Variants in PDGFC observed in about 807,000 individuals in gnomAD.
PDGFC encodes the protein platelet-derived growth factor C.
PDGFC carries 12 observed loss-of-function variants against 35.5 expected under a neutral mutation model. The ratio of observed to expected loss-of-function variants is 0.34; its 90% CI spans 0.22 to 0.55. The LOEUF (loss-of-function observed/expected upper bound fraction) is 0.55, where lower values mean the gene tolerates loss of function less well. Ranked by LOEUF, PDGFC falls within the 20% of genes least tolerant of loss-of-function variation. PDGFC has a pLI of 0.91. For missense variants in PDGFC, 322 were observed against 412.4 expected, an observed-to-expected ratio of 0.78 and a Z score of 1.90; for synonymous variants, 159 against 148.8, an observed-to-expected ratio of 1.07 and a Z score of -0.50.
In PDGFC at chr4:156,971,465, C is replaced by A; in HGVS notation, c.-562G>T. Reference sequence around the variant, plus strand: ...AAGAAACAAGGCGAGGGCGCCGCGGCGGGTCCCACGGGCCGGGGCGCCGGA... The same window carrying A: ...AAGAAACAAGGCGAGGGCGCCGCGGAGGGTCCCACGGGCCGGGGCGCCGGA... On this transcript the variant is annotated 5_prime_UTR_variant, in exon 1 of 6. Coordinates refer to ENST00000502773, the MANE Select transcript of PDGFC (RefSeq NM_016205.3). 1 of 177,906 alleles carries A rather than the reference C, an allele frequency of 5.6e-6. No individual in the cohort carries two copies. The highest frequency in any genetic ancestry group is 1.2e-5 in the Non-Finnish European group (1 of 86,790). The allele number at this position is 177,906 out of a possible 1,614,324, so 11.0% of individuals were successfully genotyped here.
intron 3 of PDGFC, chr4:156,778,409 C>A (rs1730883903): frequency 1.2e-5 from 2 of 166,320 alleles, no homozygotes; most frequent in Admixed American, 6.3e-5. Flanking sequence ...ACTGGCAGCC[C>A]AGGAGTTCAG....
At chr4:156,841,795 C>G (rs1729212291) in intron 2 of PDGFC, among the ~76,000 whole-genome samples, 1 of 152,078 alleles carries the variant, frequency 6.6e-6, no homozygotes, top group South Asian at 2.1e-4. Flanking sequence ...CATGAGCCAC[C>G]ACACCTGGCC....
At chr4:156,903,515 C>T (rs1027391828) in intron 1 of PDGFC, among the ~76,000 whole-genome samples, 7 of 151,822 alleles carry the variant, frequency 4.6e-5, no homozygotes, top group East Asian at 1.9e-4. Context: ...AGATGGTTTC[C>T]CCTATGAAAA....
chr4:156,810,963 C>T lies in PDGFC; in HGVS notation c.369G>A (p.Trp123Ter). 1 of 1,606,684 alleles carries T rather than the reference C, an allele frequency of 6.2e-7. No homozygotes were observed. Among genetic ancestry groups the T allele is most frequent in the Non-Finnish European group, 8.5e-7 (1 of 1,174,860 alleles). The change falls in exon 3 of 6, where the codon TGG becomes TGA. Residue 123 changes from tryptophan (W) to a stop codon, truncating the protein, a stop_gained. Transcript: ENST00000502773. LOFTEE classifies it high-confidence loss of function. ...EPSDGTILGR[W>*]CGSGTVPGKQ... ...TTCCTGGTACAGTACCAGAACCACA[C>T]CAGCGCCCTAATATAGTTCCATCAC...
At chr4:156,945,368 T>C (rs922308255) in intron 1 of PDGFC, among the ~76,000 whole-genome samples, 33 of 123,414 alleles carry the variant, frequency 2.7e-4, no homozygotes, top group East Asian at 7.9e-4. Flanking sequence ...TATATATATA[T>C]ATATATATAT....
intron 3 of PDGFC, 70 bp from the exon 4 acceptor site, chr4:156,772,963 G>T: frequency 9.8e-7 from 1 of 1,021,202 alleles, no homozygotes; most frequent in Non-Finnish European, 1.5e-6. Flanking sequence ...ACATATGCAA[G>T]AAATTATAAA....
At chr4:156,797,598 G>A (rs759853606) in intron 3 of PDGFC, among the ~76,000 whole-genome samples, 1 of 152,128 alleles carries the variant, frequency 6.6e-6, no homozygotes, top group Non-Finnish European at 1.5e-5. Flanking sequence ...AAACACCAAC[G>A]ATAGCTGATG....
chr4:156,950,231 G>GC (rs1336192266), intron 1 of PDGFC, among the ~76,000 whole-genome samples: 2 of 151,780 alleles, frequency 1.3e-5, no homozygotes, highest in African/African-American at 4.8e-5. Flanking sequence ...TGACATAAAT[G>GC]CCCCCTTTCC....
chr4:156,835,654 T>G (rs574086576), intron 2 of PDGFC, among the ~76,000 whole-genome samples: 2 of 152,204 alleles, frequency 1.3e-5, no homozygotes, highest in East Asian at 3.8e-4. Context: ...AAAATCCTAT[T>G]ATATTTTAAG....
intron 2 of PDGFC, among the ~76,000 whole-genome samples, chr4:156,845,911 T>C (rs1025443194): frequency 4.6e-5 from 7 of 151,834 alleles, no homozygotes; most frequent in African/African-American, 7.2e-5. Context: ...AACCAAATCA[T>C]AGGCAAGACT....
intron 1 of PDGFC, among the ~76,000 whole-genome samples, chr4:156,954,447 CAT>C (rs1291465561): frequency 2.6e-5 from 4 of 151,912 alleles, no homozygotes; most frequent in Admixed American, 6.6e-5. Flanking sequence ...TAAGAAAGCA[CAT>C]GAGTTATATC....
chr4:156,827,155 C>T (rs188285529), intron 2 of PDGFC, among the ~76,000 whole-genome samples: 3 of 152,246 alleles, frequency 2.0e-5, no homozygotes, highest in East Asian at 1.9e-4. Flanking sequence ...CAGTGGCACA[C>T]GCCTGAAATT....
chr4:156,971,277 C>T lies in PDGFC; in HGVS notation c.-374G>A, dbSNP rs1426052049. On this transcript the variant is annotated 5_prime_UTR_variant, in exon 1 of 6. Coordinates refer to ENST00000502773, the MANE Select transcript of PDGFC (RefSeq NM_016205.3). ...AAGTTGCTGGGAGCACCTGTCAGTTCGGGGGACAGGACAGAGGCGAAAACT... is the reference window on the plus strand; with the variant it reads ...AAGTTGCTGGGAGCACCTGTCAGTTTGGGGGACAGGACAGAGGCGAAAACT... 1 of 425,464 alleles carries T rather than the reference C, an allele frequency of 2.4e-6. No individual in the cohort carries two copies. Among genetic ancestry groups the T allele is most frequent in the Non-Finnish European group, 4.2e-6 (1 of 240,938 alleles). The allele number at this position is 425,464 out of a possible 1,614,324, so 26.4% of individuals were successfully genotyped here. A position where few individuals can be genotyped will look rare whatever the true frequency, so the allele number is the denominator to read the frequency against.
intron 3 of PDGFC, among the ~76,000 whole-genome samples, chr4:156,790,654 A>G (rs932016612): frequency 1.3e-5 from 2 of 152,198 alleles, no homozygotes; most frequent in African/African-American, 2.4e-5. Context: ...ATCCATCCCA[A>G]TTTTTCTCAA....
chr4:156,893,469 G>T (rs1730561315), intron 1 of PDGFC, among the ~76,000 whole-genome samples: 1 of 151,752 alleles, frequency 6.6e-6, no homozygotes, highest in Non-Finnish European at 1.5e-5. Flanking sequence ...TGGGACTATA[G>T]GTGCATGATT....
chr4:156,874,559 A>G (rs1730063115), intron 1 of PDGFC, among the ~76,000 whole-genome samples: 2 of 152,186 alleles, frequency 1.3e-5, no homozygotes, highest in Admixed American at 6.5e-5. Context: ...TGAAATTGAA[A>G]TAAAAAATGA....
chr4:156,762,610 A>C lies in PDGFC; in HGVS notation c.*480T>G, dbSNP rs1215553313. ...TAGTACATAGAATGTTCTGGTTTAC[A>C]TATGTGAATATGAGCAAAAAAAAAA... On this transcript the variant is annotated 3_prime_UTR_variant, in exon 6 of 6. Transcript: ENST00000502773. 6.6e-6 allele frequency: 1 copy of C among 151,752 alleles called. No individual in the cohort carries two copies. The highest frequency in any genetic ancestry group is 1.5e-5 in the Non-Finnish European group (1 of 68,330). 9.4% of individuals were successfully genotyped at this position (151,752 alleles called of 1,614,324 possible).
intron 2 of PDGFC, among the ~76,000 whole-genome samples, chr4:156,828,014 C>G (rs1728825703): frequency 6.6e-6 from 1 of 152,158 alleles, no homozygotes; most frequent in Non-Finnish European, 1.5e-5. Flanking sequence ...GGCCAAAGAT[C>G]AGGAGAAGCT....
At chr4:156,958,922 G>C (rs866882288) in intron 1 of PDGFC, among the ~76,000 whole-genome samples, 93 of 151,974 alleles carry the variant, frequency 6.1e-4, no homozygotes, top group African/African-American at 1.9e-3. Flanking sequence ...TTACAAGACT[G>C]GCAGAGTGAC....
Sources: allele counts gnomAD v4.1 joint callset (sites outside exome capture counted in the v4.1 genomes callset), GRCh38; gene constraint gnomAD v4.1.1; transcripts MANE v1.5; gene names NCBI Gene and HGNC (gene_info 2026-07-23, HGNC 2026-07-21).